The following CADM1 variants were observed in gnomAD, a reference collection of about 807,000 sequenced individuals.
The protein encoded by CADM1 is cell adhesion molecule 1, also known as TSLC-1.
A neutral mutation model predicts 53.1 loss-of-function variants in CADM1; 15 were observed. That is an observed-to-expected ratio of 0.28 (90% CI 0.19 to 0.44). CADM1 has a LOEUF of 0.44. Ranked by LOEUF, CADM1 falls within the 20% of genes least tolerant of loss-of-function variation. The pLI, the probability that CADM1 is intolerant of heterozygous loss-of-function variation, is 1.00. For synonymous variants in CADM1, 281 were observed against 243.0 expected (o/e 1.16, Z -1.45); for missense variants, 434 against 611.3 (o/e 0.71, Z 3.06).
At chr11:115,253,346 T>C (rs1461729254) in intron 1 of CADM1, among the ~76,000 whole-genome samples, 20 of 152,152 alleles carry the variant, frequency 1.3e-4, no homozygotes, top group Admixed American at 1.3e-3. Flanking sequence ...CTATCAGGTA[T>C]TGAGACCTTT....
chr11:115,329,171 GA>G (rs200793168), intron 1 of CADM1, among the ~76,000 whole-genome samples: 4 of 150,862 alleles, frequency 2.7e-5, no homozygotes, highest in Admixed American at 6.6e-5. Flanking sequence ...TTTCTAGTTA[GA>G]AAAAAAAATC....
intron 1 of CADM1, among the ~76,000 whole-genome samples, chr11:115,282,882 G>GA (rs963833674): frequency 1.9e-4 from 29 of 152,146 alleles, no homozygotes; most frequent in African/African-American, 6.5e-4. Flanking sequence ...GTGGGGTTAA[G>GA]AAAAAATCCA....
At chr11:115,420,244 CAGG>C (rs1249408639) in intron 1 of CADM1, among the ~76,000 whole-genome samples, 1 of 152,176 alleles carries the variant, frequency 6.6e-6, no homozygotes, top group African/African-American at 2.4e-5. Flanking sequence ...CGTGTCCACA[CAGG>C]AGATCACCAC....
intron 1 of CADM1, among the ~76,000 whole-genome samples, chr11:115,369,026 T>TAAAAAAAAAAAAAAAAAAAAAAAAAAAA (rs552309443): frequency 2.2e-5 from 1 of 44,748 alleles, no homozygotes; most frequent in Non-Finnish European, 4.1e-5. Context: ...AAAAAAAATC[T>TAAAAAAAAAAAAAAAAAAAAAAAAAAAA]AAAAAAAAAA....
At chr11:115,293,990 G>A (rs1025764576) in intron 1 of CADM1, among the ~76,000 whole-genome samples, 3 of 152,150 alleles carry the variant, frequency 2.0e-5, no homozygotes, top group African/African-American at 7.2e-5. Context: ...CATATCTTAA[G>A]TTATTTCACA....
rs1213670855 is a variant in CADM1, at chr11:115,229,170, C to T, written c.664G>A (p.Val222Met). 1 of 1,614,122 alleles carries T rather than the reference C, an allele frequency of 6.2e-7. No individual in the cohort carries two copies. The highest frequency in any genetic ancestry group is 8.5e-7 in the Non-Finnish European group (1 of 1,180,010). ...EDDGVPVICQVEHPAVTGNLQ... is the reference protein window; with the variant it reads ...EDDGVPVICQMEHPAVTGNLQ... ...TTTCCAGTGACCGCAGGGTGCTCCA[C>T]CTGGCAGATCACTGGGACCCCATCG... Residue 222 changes from valine (V) to methionine (M), a missense_variant, in exon 5 of 12, where the codon GTG becomes ATG. By Grantham distance (21) the Val-to-Met change is conservative. Transcript: ENST00000331581.
At chr11:115,290,638 T>G (rs1943866408) in intron 1 of CADM1, among the ~76,000 whole-genome samples, 1 of 151,914 alleles carries the variant, frequency 6.6e-6, no homozygotes, top group South Asian at 2.1e-4. Flanking sequence ...TTTGACAAAA[T>G]AAAACACACA....
chr11:115,179,811 G>A (rs895932790), intron 10 of CADM1, among the ~76,000 whole-genome samples: 3 of 151,964 alleles, frequency 2.0e-5, no homozygotes, highest in African/African-American at 4.8e-5. Flanking sequence ...CAACAGAAAC[G>A]GTAAAAATCT....
intron 11 of CADM1, among the ~76,000 whole-genome samples, 170 bp from the exon 12 acceptor site, chr11:115,176,762 C>T (rs963736094): frequency 1.3e-5 from 2 of 151,978 alleles, no homozygotes; most frequent in Non-Finnish European, 2.9e-5. Flanking sequence ...AAGGGGGATC[C>T]GGGGGTTCCA....
At chr11:115,385,135 C>A (rs1946668325) in intron 1 of CADM1, among the ~76,000 whole-genome samples, 1 of 145,628 alleles carries the variant, frequency 6.9e-6, no homozygotes. Context: ...TAGTTTTTAC[C>A]ACCTAGCCAC....
chr11:115,278,732 G>A (rs564433660), intron 1 of CADM1, among the ~76,000 whole-genome samples: 10 of 152,298 alleles, frequency 6.6e-5, no homozygotes, highest in South Asian at 6.2e-4. Context: ...AAAGACTAGC[G>A]AAGAGGTTAC....
chr11:115,327,772 C>A (rs1406452110), intron 1 of CADM1, among the ~76,000 whole-genome samples: 13 of 152,136 alleles, frequency 8.5e-5, no homozygotes, highest in Admixed American at 1.3e-4. Flanking sequence ...TGTATTAGTA[C>A]CTACTTCACA....
chr11:115,259,911 T>C (rs1259178749), intron 1 of CADM1, among the ~76,000 whole-genome samples: 1 of 152,164 alleles, frequency 6.6e-6, no homozygotes, highest in African/African-American at 2.4e-5. Flanking sequence ...AGATAATGGC[T>C]CTTAACCCTC....
chr11:115,234,667 T>A (rs1258908002), intron 3 of CADM1, among the ~76,000 whole-genome samples: 1 of 151,906 alleles, frequency 6.6e-6, no homozygotes, highest in African/African-American at 2.4e-5. Flanking sequence ...CTGAGGTGGG[T>A]GGATCACCTG....
intron 1 of CADM1, among the ~76,000 whole-genome samples, chr11:115,434,914 G>A (rs536267488): frequency 1.4e-4 from 21 of 146,022 alleles, no homozygotes; most frequent in East Asian, 1.2e-3. Flanking sequence ...AGGCTAGAGC[G>A]CAATGGTGCA....
At chr11:115,259,787 C>T (rs986189861) in intron 1 of CADM1, among the ~76,000 whole-genome samples, 3 of 152,144 alleles carry the variant, frequency 2.0e-5, no homozygotes, top group Non-Finnish European at 2.9e-5. Flanking sequence ...AAGATCTCAT[C>T]CTGAACTCTT....
intron 1 of CADM1, among the ~76,000 whole-genome samples, chr11:115,473,814 C>T (rs992747752): frequency 2.6e-5 from 4 of 151,980 alleles, no homozygotes; most frequent in Non-Finnish European, 5.9e-5. Flanking sequence ...AAAAACACAA[C>T]CCATAAAATA....
intron 1 of CADM1, among the ~76,000 whole-genome samples, chr11:115,405,130 A>C (rs1947281852): frequency 6.6e-6 from 1 of 151,868 alleles, no homozygotes; most frequent in South Asian, 2.1e-4. Context: ...ATTTATTTTT[A>C]TTTTTTTAAA....
At chr11:115,212,668 G>T (rs1336986586) in intron 7 of CADM1, among the ~76,000 whole-genome samples, 3 of 152,192 alleles carry the variant, frequency 2.0e-5, no homozygotes, top group Non-Finnish European at 2.9e-5. Flanking sequence ...GAGAATAAGA[G>T]AATATACAAA....
Sources: gnomAD v4.1 joint callset for allele counts (sites outside exome capture counted in the v4.1 genomes callset) on GRCh38, gnomAD v4.1.1 for gene constraint, MANE v1.5 for transcripts, NCBI Gene and HGNC (gene_info 2026-07-23, HGNC 2026-07-21) for gene names.